The following KCNAB1 variants were observed in gnomAD, a reference collection of about 807,000 sequenced individuals.
KCNAB1 encodes voltage-gated potassium channel subunit beta-1.
In KCNAB1, 35 loss-of-function variants were observed where a neutral mutation model predicts 64.6. That is an observed-to-expected ratio of 0.54 (90% CI 0.41 to 0.72). The LOEUF is 0.72. Among genes scored for constraint, KCNAB1 ranks in the 30% least tolerant of loss-of-function variants. The pLI is 0.00. For synonymous variants in KCNAB1, 177 were observed against 183.8 expected, an observed-to-expected ratio of 0.96 and a Z score of 0.30; for missense variants, 401 against 512.9, an observed-to-expected ratio of 0.78 and a Z score of 2.11.
At chr3:156,498,665 A>G (rs1049288409) in intron 8 of KCNAB1, among the ~76,000 whole-genome samples, 10 of 152,238 alleles carry the variant, frequency 6.6e-5, no homozygotes, top group African/African-American at 2.4e-4. Context: ...AAAGAAGACC[A>G]ATGATTAACA....
chr3:156,521,994 GGTGT>G (rs1414835421), intron 11 of KCNAB1, among the ~76,000 whole-genome samples: 1 of 147,650 alleles, frequency 6.8e-6, no homozygotes, highest in African/African-American at 2.5e-5. Flanking sequence ...CTCTGAAAAT[GGTGT>G]GTATGTGTGT....
chr3:156,464,141 C>T (rs907147320), intron 6 of KCNAB1, among the ~76,000 whole-genome samples: 3 of 152,288 alleles, frequency 2.0e-5, no homozygotes, highest in Admixed American at 6.5e-5. Flanking sequence ...ATAAAAATAT[C>T]TTGTCTGGCT....
intron 1 of KCNAB1, among the ~76,000 whole-genome samples, chr3:156,295,333 C>A (rs1210757318): frequency 6.6e-6 from 1 of 152,108 alleles, no homozygotes. Flanking sequence ...CTACTTGTAA[C>A]CCTGATAAAT....
chr3:156,264,865 A>G (rs1294014874), intron 1 of KCNAB1, among the ~76,000 whole-genome samples: 4 of 152,178 alleles, frequency 2.6e-5, no homozygotes, highest in African/African-American at 9.6e-5. Flanking sequence ...TTTCAGAGTT[A>G]TCTTTCCATT....
chr3:156,539,007 A>G (rs1328407092), downstream of KCNAB1: 2 of 128,148 alleles, frequency 1.6e-5, no homozygotes, highest in African/African-American at 6.2e-5. Flanking sequence ...TGGTAAATAT[A>G]CTAATGTATT....
intron 1 of KCNAB1, among the ~76,000 whole-genome samples, chr3:156,349,534 A>C (rs1252112602): frequency 1.3e-5 from 2 of 152,072 alleles, no homozygotes; most frequent in Non-Finnish European, 2.9e-5. Flanking sequence ...CATTTCTACC[A>C]ATTCTCCAGC....
At chr3:156,169,227 C>A (rs140159614) in intron 1 of KCNAB1, among the ~76,000 whole-genome samples, 1 of 152,068 alleles carries the variant, frequency 6.6e-6, no homozygotes, top group African/African-American at 2.4e-5. Flanking sequence ...CAACAAATGA[C>A]GAATAAAGCT....
At chr3:156,463,649 C>T (rs1713114218) in intron 5 of KCNAB1, 53 bp from the exon 6 acceptor site, 2 of 1,355,620 alleles carry the variant, frequency 1.5e-6, no homozygotes, top group East Asian at 2.4e-5. Flanking sequence ...TGACTCGGTA[C>T]AATAACCTGC....
Position 156,339,435 on chromosome 3 carries a change from T to C in KCNAB1, c.276-82181T>C, listed in dbSNP as rs545819371. Among the ~76,000 whole-genome samples, 18 of 152,280 alleles carry C rather than the reference T, an allele frequency of 1.2e-4. No individual in the cohort carries two copies. The East Asian group carries it at 3.5e-3, about 29-fold the overall frequency. On this transcript the variant is annotated intron_variant, in intron 1 of 13. Transcript: ENST00000490337. ...TGATCTTTACAACAGCCCTGGATGG[T>C]GACTATTACCTCATTTTACAGAGGA...
At chr3:156,118,398 C>T (rs557116095), upstream of KCNAB1, 2 of 436,396 alleles carry the variant, frequency 4.6e-6, no homozygotes, top group African/African-American at 2.0e-5. Context: ...GCTGCATGGT[C>T]TTTCTGACTT....
At chr3:156,473,280 CT>C (rs1714070651) in intron 7 of KCNAB1, among the ~76,000 whole-genome samples, 1 of 152,142 alleles carries the variant, frequency 6.6e-6, no homozygotes, top group Admixed American at 6.5e-5. Context: ...AGAATTGAGT[CT>C]CAAAGAAAGG....
intron 2 of KCNAB1, among the ~76,000 whole-genome samples, chr3:156,447,278 TA>T (rs1469908373): frequency 6.6e-6 from 1 of 152,250 alleles, no homozygotes; most frequent in Non-Finnish European, 1.5e-5. Context: ...ACATTTTATT[TA>T]TTTGTAAAAT....
At chr3:156,478,960 C>A (rs11927352) in intron 8 of KCNAB1, among the ~76,000 whole-genome samples, 61,444 of 151,996 alleles carry the variant, frequency 0.4, 12,642 homozygotes, top group South Asian at 0.49. Context: ...CAATCTGCAA[C>A]CCCATGGAAT....
At chr3:156,425,954 A>T (rs1715786430) in intron 2 of KCNAB1, among the ~76,000 whole-genome samples, 1 of 152,176 alleles carries the variant, frequency 6.6e-6, no homozygotes, top group South Asian at 2.1e-4. Context: ...TAAGACAGGA[A>T]GCAATGCAAG....
intron 1 of KCNAB1, among the ~76,000 whole-genome samples, chr3:156,135,272 C>T (rs1356042193): frequency 6.6e-6 from 1 of 152,020 alleles, no homozygotes; most frequent in Non-Finnish European, 1.5e-5. Context: ...GCTGGGTTTA[C>T]AGGAATGCGC....
At chr3:156,144,006 T>C (rs548199069) in intron 1 of KCNAB1, among the ~76,000 whole-genome samples, 1 of 152,274 alleles carries the variant, frequency 6.6e-6, no homozygotes, top group African/African-American at 2.4e-5. Context: ...CATTATTTAT[T>C]TTATGAAAGA....
At chr3:156,361,329 T>A (rs910741888) in intron 1 of KCNAB1, among the ~76,000 whole-genome samples, 9 of 152,172 alleles carry the variant, frequency 5.9e-5, no homozygotes, top group African/African-American at 2.2e-4. Context: ...GGGCAGGTTT[T>A]CAGTGAAGCC....
At chr3:156,444,376 A>G (rs1559887623) in intron 2 of KCNAB1, among the ~76,000 whole-genome samples, 2 of 152,230 alleles carry the variant, frequency 1.3e-5, no homozygotes, top group Non-Finnish European at 2.9e-5. Context: ...TGCACCCTGA[A>G]GAGTAAGACC....
chr3:156,389,175 C>A (rs749762170), intron 1 of KCNAB1, among the ~76,000 whole-genome samples: 1 of 152,214 alleles, frequency 6.6e-6, no homozygotes. Flanking sequence ...CCTCACTTGG[C>A]TCAGAGAATT....
Sources: gnomAD v4.1 joint callset for allele counts (sites outside exome capture counted in the v4.1 genomes callset) on GRCh38, gnomAD v4.1.1 for gene constraint, MANE v1.5 for transcripts, NCBI Gene and HGNC (gene_info 2026-07-23, HGNC 2026-07-21) for gene names.